The following ZNF536 variants were observed in gnomAD, a reference collection of about 807,000 sequenced individuals.
ZNF536 encodes zinc finger protein 536.
A neutral mutation model predicts 84.5 loss-of-function variants in ZNF536; 13 were observed. The ratio of observed to expected loss-of-function variants is 0.15; its 90% CI spans 0.10 to 0.24. The LOEUF (loss-of-function observed/expected upper bound fraction) is 0.24, where lower values mean the gene tolerates loss of function less well. Ranked by LOEUF, ZNF536 falls within the 10% of genes least tolerant of loss-of-function variation. The pLI is 1.00. For synonymous variants in ZNF536, 811 were observed against 742.5 expected (o/e 1.09, Z -1.50); for missense variants, 1,536 against 1,747.5 (o/e 0.88, Z 2.16).
intron 2 of ZNF536, among the ~76,000 whole-genome samples, chr19:30,327,820 AT>A (rs2047087798): frequency 6.6e-6 from 1 of 152,156 alleles, no homozygotes; most frequent in Admixed American, 6.5e-5. Flanking sequence ...TGGAATTGTT[AT>A]CCTTTGGGCA....
chr19:30,516,033 A>AAG (rs2055629385), intron 2 of ZNF536, among the ~76,000 whole-genome samples: 1 of 151,562 alleles, frequency 6.6e-6, no homozygotes, highest in African/African-American at 2.4e-5. Flanking sequence ...TCTCAAAAAA[A>AAG]AAAAAAAAAG....
chr19:30,576,579 G>A (rs2046745193), intron 1 of ZNF536, among the ~76,000 whole-genome samples: 1 of 152,218 alleles, frequency 6.6e-6, no homozygotes, highest in Non-Finnish European at 1.5e-5. Flanking sequence ...TGGCGCTCAT[G>A]TCTGATACTG....
chr19:30,508,382 C>T (rs1311785140), intron 2 of ZNF536, among the ~76,000 whole-genome samples: 1 of 152,228 alleles, frequency 6.6e-6, no homozygotes, highest in Non-Finnish European at 1.5e-5. Flanking sequence ...GAGGACCTTT[C>T]TTCTGGTCAC....
chr19:30,411,421 T>C (rs1387639803), intron 1 of ZNF536, among the ~76,000 whole-genome samples: 2 of 152,226 alleles, frequency 1.3e-5, no homozygotes, highest in South Asian at 2.1e-4. Context: ...TACAACTTTA[T>C]ATGGCTTCAT....
chr19:30,635,116 T>G (rs2049022094), intron 1 of ZNF536, among the ~76,000 whole-genome samples: 1 of 152,038 alleles, frequency 6.6e-6, no homozygotes, highest in Admixed American at 6.6e-5. Flanking sequence ...CACGCGCATG[T>G]TTAGGGACAT....
intron 1 of ZNF536, among the ~76,000 whole-genome samples, chr19:30,700,124 G>A (rs1055767273): frequency 1.1e-5 from 1 of 93,544 alleles, no homozygotes; most frequent in Non-Finnish European, 2.1e-5. Context: ...CTCCCTCCCT[G>A]TCTCTTTCTT....
chr19:30,373,769 A>C (rs1411652240), intron 1 of ZNF536, among the ~76,000 whole-genome samples: 1 of 152,246 alleles, frequency 6.6e-6, no homozygotes, highest in African/African-American at 2.4e-5. Context: ...ATCTGCATGC[A>C]AATAGCAGCA....
At chr19:30,713,370 A>G (rs1180844724) in exon 2 of ZNF536, 2 of 152,200 alleles carry the variant, frequency 1.3e-5, no homozygotes, top group African/African-American at 4.8e-5. Context: ...AAAAAAATCT[A>G]TCTTGGAGGA....
At chr19:30,251,571 G>T (rs542497359) in intron 1 of ZNF536, among the ~76,000 whole-genome samples, 1 of 152,106 alleles carries the variant, frequency 6.6e-6, no homozygotes, top group Non-Finnish European at 1.5e-5. Flanking sequence ...TAGTAAATTC[G>T]TCTACTTCTT....
intron 2 of ZNF536, among the ~76,000 whole-genome samples, chr19:30,494,602 C>T (rs2054639587): frequency 6.6e-6 from 1 of 152,146 alleles, no homozygotes; most frequent in South Asian, 2.1e-4. Context: ...TTCCATCTAA[C>T]CTATGGCTCA....
intron 2 of ZNF536, among the ~76,000 whole-genome samples, chr19:30,447,608 A>G (rs1211529707): frequency 6.6e-6 from 1 of 152,200 alleles, no homozygotes; most frequent in African/African-American, 2.4e-5. Context: ...CATGGAACAT[A>G]CTAAGATTCG....
At chr19:30,394,756 G>A (rs2049744838) in intron 1 of ZNF536, among the ~76,000 whole-genome samples, 2 of 152,240 alleles carry the variant, frequency 1.3e-5, no homozygotes, top group African/African-American at 4.8e-5. Context: ...TTATGAACTG[G>A]ACTTACACAA....
chr19:30,471,336 C>G (rs1327776705), intron 2 of ZNF536, among the ~76,000 whole-genome samples: 1 of 152,186 alleles, frequency 6.6e-6, no homozygotes, highest in Non-Finnish European at 1.5e-5. Flanking sequence ...AATTAACAGG[C>G]AGGACAAGCT....
In ZNF536 at chr19:30,231,446, C is replaced by T. The variant is rs775688309; in HGVS notation, c.-190+2773C>T. Among the ~76,000 whole-genome samples the T allele has an allele frequency of 9.2e-5, 14 of 152,222 alleles. 1 individual carries two copies. Among genetic ancestry groups the T allele is most frequent in the African/African-American group, 1.2e-4 (5 of 41,454 alleles). The stretch of plus-strand genomic sequence containing the variant: ...TGGAGGGGCTTCCTCTGAACTCACA[C>T]CTGCTGTGCACACTGGCACCTTCTC... On this transcript the variant is annotated intron_variant, in intron 1 of 5. Transcript: ENST00000585628.
chr19:30,665,352 T>G (rs2050276712), intron 1 of ZNF536: 1 of 151,992 alleles, frequency 6.6e-6, no homozygotes, highest in African/African-American at 2.4e-5. Context: ...AAAAAATAAT[T>G]AATAATAATG....
chr19:30,406,722 T>C (rs2050275165), intron 1 of ZNF536, among the ~76,000 whole-genome samples: 1 of 152,172 alleles, frequency 6.6e-6, no homozygotes, highest in Non-Finnish European at 1.5e-5. Context: ...GGAGACTGTC[T>C]GTGGAATGAC....
chr19:30,527,636 T>C (rs1316898400), intron 2 of ZNF536, among the ~76,000 whole-genome samples: 2 of 151,502 alleles, frequency 1.3e-5, no homozygotes, highest in African/African-American at 4.9e-5. Context: ...GAGGCATGAG[T>C]TATGTCTTCT....
intron 1 of ZNF536, among the ~76,000 whole-genome samples, chr19:30,274,398 T>C (rs2026014049): frequency 6.6e-6 from 1 of 152,252 alleles, no homozygotes; most frequent in Admixed American, 6.5e-5. Flanking sequence ...TAATTCAGTG[T>C]ATCCATAATA....
intron 1 of ZNF536, among the ~76,000 whole-genome samples, chr19:30,593,618 C>T (rs2047346498): frequency 6.6e-6 from 1 of 152,192 alleles, no homozygotes; most frequent in African/African-American, 2.4e-5. Context: ...TGGCTCTGAC[C>T]CCACCTGGCA....
Sources: gnomAD v4.1 joint callset for allele counts (sites outside exome capture counted in the v4.1 genomes callset) on GRCh38, gnomAD v4.1.1 for gene constraint, MANE v1.5 for transcripts, NCBI Gene and HGNC (gene_info 2026-07-23, HGNC 2026-07-21) for gene names.